TMCO4: variants seen among roughly 807,000 people sequenced by gnomAD.
TMCO4 encodes transmembrane and coiled-coil domains 4, also known as transmembrane and coiled-coil domain-containing protein 4.
In TMCO4, 58 loss-of-function variants were observed where a neutral mutation model predicts 64.7. That is an observed-to-expected ratio of 0.90 (90% CI 0.73 to 1.12). The LOEUF is 1.12. TMCO4 is among the 50% of genes most tolerant of loss of function. The pLI is 0.00. For missense variants in TMCO4, 780 were observed against 825.9 expected (o/e 0.94, Z 0.68); for synonymous variants, 325 against 346.1 (o/e 0.94, Z 0.68).
chr1:19,737,065 G>T (rs1039937664), intron 13 of TMCO4, among the ~76,000 whole-genome samples: 1 of 152,146 alleles, frequency 6.6e-6, no homozygotes, highest in Non-Finnish European at 1.5e-5. Flanking sequence ...AAGTGCACCT[G>T]CCAACACCTT....
At chr1:19,712,113 TA>T (rs1306682386) in intron 13 of TMCO4, among the ~76,000 whole-genome samples, 1 of 152,154 alleles carries the variant, frequency 6.6e-6, no homozygotes. Flanking sequence ...CATGTAGGGC[TA>T]TTAATTGGCC....
At chr1:19,744,103 A>G (rs1356272823) in intron 10 of TMCO4, among the ~76,000 whole-genome samples, 2 of 152,104 alleles carry the variant, frequency 1.3e-5, no homozygotes, top group East Asian at 3.9e-4. Flanking sequence ...CTTAGGTCAG[A>G]GACTTGGGAA....
At chr1:19,726,442 G>A (rs956554583) in intron 13 of TMCO4, among the ~76,000 whole-genome samples, 1 of 151,798 alleles carries the variant, frequency 6.6e-6, no homozygotes, top group African/African-American at 2.4e-5. Context: ...CCAGCTTAGG[G>A]GACAGAGCGA....
intron 13 of TMCO4, among the ~76,000 whole-genome samples, chr1:19,736,102 A>G (rs887772015): frequency 6.6e-6 from 1 of 152,202 alleles, no homozygotes; most frequent in Non-Finnish European, 1.5e-5. Context: ...AATCGTGAGA[A>G]ATGATCAGTT....
At chr1:19,787,816 T>C (rs1352796133) in intron 2 of TMCO4, among the ~76,000 whole-genome samples, 2 of 152,150 alleles carry the variant, frequency 1.3e-5, no homozygotes, top group African/African-American at 4.8e-5. Context: ...AGTGCAGTGG[T>C]GCAATCTCAG....
At chr1:19,781,384 T>C (rs1452485168) in intron 3 of TMCO4, among the ~76,000 whole-genome samples, 1 of 151,876 alleles carries the variant, frequency 6.6e-6, no homozygotes, top group Non-Finnish European at 1.5e-5. Flanking sequence ...AGAGGATTGC[T>C]TAAGCCTAGG....
intron 13 of TMCO4, among the ~76,000 whole-genome samples, chr1:19,705,281 T>A (rs2095296456): frequency 6.6e-6 from 1 of 151,920 alleles, no homozygotes; most frequent in African/African-American, 2.4e-5. Flanking sequence ...CAAAAACCTG[T>A]CTCTACTAAA....
At chr1:19,710,284 T>G (rs1212726482) in intron 13 of TMCO4, among the ~76,000 whole-genome samples, 1 of 145,124 alleles carries the variant, frequency 6.9e-6, no homozygotes, top group Non-Finnish European at 1.5e-5. Context: ...TTTTTTTTTT[T>G]GGATTTTTAG....
At position 19,683,369 on chromosome 1, in the gene TMCO4, A is replaced by G. The variant is rs1336585357; in HGVS notation, c.1576T>C (p.Trp526Arg). ...GCCAGCAAGAGCCCCTTCTCGTCCC[A>G]GCCTGGCTTGGTGCGGATGCCCACG... is the stretch of plus-strand genomic sequence containing the variant. ...KAVGIRTKPG[W>R]DEKGLLLAPG... The change falls in exon 16 of 16, where the codon TGG becomes CGG. Residue 526 changes from tryptophan to arginine, a missense_variant. By Grantham distance (101) the Trp-to-Arg change is moderately radical. Coordinates refer to ENST00000294543, the MANE Select transcript of TMCO4 (RefSeq NM_181719.7). 3.7e-6 allele frequency: 6 copies of G among 1,613,832 alleles called. No individual in the cohort carries two copies. The highest frequency in any genetic ancestry group is 5.1e-6 in the Non-Finnish European group (6 of 1,180,034).
At position 19,721,836 on chromosome 1, in the gene TMCO4, C is replaced by T. The variant is rs114671251; in HGVS notation, c.1264+15536G>A. On this transcript the variant is annotated intron_variant, in intron 13 of 15. Transcript: ENST00000294543. ...ACAAAACACAACACACACACACACA[C>T]GTTTTGGAAAAGTCCAGGGCCAAAC... Among the ~76,000 whole-genome samples the T allele has an allele frequency of 2.2e-3, 330 of 152,130 alleles. 1 individual carries two copies. Among genetic ancestry groups the T allele is most frequent in the African/African-American group, 7.4e-3 (306 of 41,506 alleles).
intron 6 of TMCO4, among the ~76,000 whole-genome samples, chr1:19,766,266 C>T (rs932132873): frequency 2.6e-5 from 4 of 152,228 alleles, no homozygotes; most frequent in African/African-American, 9.6e-5. Context: ...GCACTGCCCT[C>T]ATGGAGCTCA....
chr1:19,777,989 T>C (rs1029428319), intron 4 of TMCO4, among the ~76,000 whole-genome samples: 2 of 152,172 alleles, frequency 1.3e-5, no homozygotes, highest in Non-Finnish European at 2.9e-5. Flanking sequence ...CAGTGAGCTA[T>C]GTCTGTATCA....
intron 2 of TMCO4, among the ~76,000 whole-genome samples, chr1:19,793,050 G>A (rs371313737): frequency 5.9e-5 from 9 of 152,050 alleles, no homozygotes; most frequent in South Asian, 4.1e-4. Flanking sequence ...GATTACAGAC[G>A]TGAGCCACCA....
intron 13 of TMCO4, among the ~76,000 whole-genome samples, chr1:19,707,041 TCCCAG>T (rs2095306368): frequency 6.6e-6 from 1 of 152,212 alleles, no homozygotes; most frequent in East Asian, 1.9e-4. Context: ...CTTAAAAACC[TCCCAG>T]GGGACCCATC....
chr1:19,771,271 A>G, intron 5 of TMCO4, 37 bp downstream of exon 5: 1 of 1,597,192 alleles, frequency 6.3e-7, no homozygotes, highest in Middle Eastern at 1.7e-4. Context: ...GATTTGTTCT[A>G]CTGTCCCCAG....
At chr1:19,750,468 T>A (rs946811924) in intron 7 of TMCO4, 7 of 152,148 alleles carry the variant, frequency 4.6e-5, no homozygotes, top group African/African-American at 1.4e-4. Context: ...GCTTAGGAAA[T>A]GTAACTATCA....
chr1:19,766,176 A>G (rs1007580677), intron 6 of TMCO4, among the ~76,000 whole-genome samples: 1 of 151,984 alleles, frequency 6.6e-6, no homozygotes, highest in Non-Finnish European at 1.5e-5. Flanking sequence ...TTTTCCCTCC[A>G]TCCAACAAAT....
intron 1 of TMCO4, among the ~76,000 whole-genome samples, chr1:19,798,521 C>T (rs1178224784): frequency 6.6e-6 from 1 of 152,186 alleles, no homozygotes; most frequent in East Asian, 1.9e-4. Context: ...TTTGTGGCTT[C>T]AGCTCCTTTA....
chr1:19,702,301 A>T (rs1408713367), intron 13 of TMCO4, among the ~76,000 whole-genome samples: 2 of 151,702 alleles, frequency 1.3e-5, no homozygotes, highest in Non-Finnish European at 2.9e-5. Flanking sequence ...AAAAAAAAAA[A>T]AAAGTCAGGG....
Sources: gnomAD v4.1 joint callset for allele counts (sites outside exome capture counted in the v4.1 genomes callset) on GRCh38, gnomAD v4.1.1 for gene constraint, MANE v1.5 for transcripts, NCBI Gene and HGNC (gene_info 2026-07-23, HGNC 2026-07-21) for gene names.